PRKN: variants seen among roughly 807,000 people sequenced by gnomAD.
PRKN encodes the protein parkin RBR E3 ubiquitin protein ligase.
A neutral mutation model predicts 59.5 loss-of-function variants in PRKN; 56 were observed. That is an observed-to-expected ratio of 0.94 (90% CI 0.76 to 1.18). The LOEUF is 1.18. PRKN is among the 50% of genes most tolerant of loss of function. The pLI is 0.00. For synonymous variants in PRKN, 250 were observed against 222.1 expected, an observed-to-expected ratio of 1.13 and a Z score of -1.12; for missense variants, 657 against 596.4, an observed-to-expected ratio of 1.10 and a Z score of -1.06.
intron 7 of PRKN, among the ~76,000 whole-genome samples, chr6:161,751,271 C>T (rs1583103578): frequency 6.6e-6 from 1 of 152,040 alleles, no homozygotes; most frequent in Admixed American, 6.5e-5. Context: ...TGTAGAACAT[C>T]GTCTGTTTGG....
At chr6:162,375,028 TTTA>T (rs901615597) in intron 2 of PRKN, among the ~76,000 whole-genome samples, 68 of 152,252 alleles carry the variant, frequency 4.5e-4, no homozygotes, top group South Asian at 1.2e-3. Context: ...CTAGTGTGAT[TTTA>T]TTATTAGGAA....
rs1790294795 is a variant in PRKN at position 161,463,114 on chromosome 6, G to A, written c.1084-76237C>T. Among the ~76,000 whole-genome samples, 1 of 152,218 alleles carries A rather than the reference G, an allele frequency of 6.6e-6. No homozygotes were observed. Among genetic ancestry groups the A allele is most frequent in the Non-Finnish European group, 1.5e-5 (1 of 68,044 alleles). ...TGAGCACCAAGGGGTTCCAAGGTCA[G>A]TGTGAGCCCTTCTGGCTGGAGTGGT... On this transcript the variant is annotated intron_variant, in intron 9 of 11. Transcript: ENST00000366898. The surrounding 1 kb of genome is among the most constrained non-coding windows in gnomAD (Gnocchi z 4.8).
At chr6:162,327,760 C>T (rs546090943) in intron 2 of PRKN, among the ~76,000 whole-genome samples, 4 of 152,166 alleles carry the variant, frequency 2.6e-5, no homozygotes, top group Admixed American at 6.5e-5. Context: ...AAGTTTTTTT[C>T]GGAGATCAGA....
Position 162,640,734 on chromosome 6 carries a change from A to G in PRKN, c.7+86928T>C, listed in dbSNP as rs572081480. 5.3e-5 allele frequency among the ~76,000 whole-genome samples: 8 copies of G among 152,310 alleles called. No individual in the cohort carries two copies. In the East Asian group the frequency reaches 7.7e-4, roughly 15 times the overall value. On this transcript the variant is annotated intron_variant, in intron 1 of 11. Coordinates refer to ENST00000366898, the MANE Select transcript of PRKN (RefSeq NM_004562.3). Reference sequence around the variant, plus strand: ...CACTGATACAGTCTGCAAGTTGTCTAAGCAATACCTGTTTGTAAGGCTGTG... The same window carrying G: ...CACTGATACAGTCTGCAAGTTGTCTGAGCAATACCTGTTTGTAAGGCTGTG...
chr6:162,461,691 C>T (rs959571796), intron 1 of PRKN, among the ~76,000 whole-genome samples: 36 of 150,694 alleles, frequency 2.4e-4, no homozygotes, highest in Non-Finnish European at 5.0e-4. Context: ...TGTGGTGGTG[C>T]GTTCCTGTAA....
rs1001684581 is a variant in PRKN at position 162,562,758 on chromosome 6, C to A, written c.8-119285G>T. On this transcript the variant is annotated intron_variant, in intron 1 of 11. Transcript: ENST00000366898. ...CTCTGGACCTACCCAGAGAGCCTGG[C>A]AGACCTCACTGCCCTGAAGGGGAAA... Among the ~76,000 whole-genome samples, 4 of 152,196 alleles carry A rather than the reference C, an allele frequency of 2.6e-5. No homozygotes were observed. In the South Asian group the frequency reaches 6.2e-4, roughly 24 times the overall value.
chr6:162,371,720 A>T (rs961925343), intron 2 of PRKN, among the ~76,000 whole-genome samples: 1 of 152,134 alleles, frequency 6.6e-6, no homozygotes, highest in African/African-American at 2.4e-5. Flanking sequence ...TAAGAATCCT[A>T]ACCTTTATTT....
intron 4 of PRKN, among the ~76,000 whole-genome samples, chr6:162,104,146 T>C (rs1486602742): frequency 2.0e-5 from 3 of 152,190 alleles, no homozygotes; most frequent in Non-Finnish European, 4.4e-5. Flanking sequence ...GTTTGTCTTG[T>C]GCCCTGCACT....
At chr6:162,113,512 G>A (rs2128303055) in intron 4 of PRKN, among the ~76,000 whole-genome samples, 1 of 150,812 alleles carries the variant, frequency 6.6e-6, no homozygotes, top group South Asian at 2.1e-4. Flanking sequence ...TGTGGTCAAT[G>A]AAGGGAGAGG....
intron 3 of PRKN, among the ~76,000 whole-genome samples, chr6:162,246,942 A>G (rs1202247024): frequency 6.6e-6 from 1 of 152,188 alleles, no homozygotes; most frequent in East Asian, 1.9e-4. Flanking sequence ...GGTAATTTGT[A>G]TTAAGGCTGA....
In PRKN at chr6:161,582,820, C is replaced by G. The variant is rs1371255508; in HGVS notation, c.872-13404G>C. ...TGAGTTCAGAGCTGTCGTCTTATGA[C>G]TCAGATCCATGTTCACCCAGGTTGG... On this transcript the variant is annotated intron_variant, in intron 7 of 11. Coordinates refer to ENST00000366898, the MANE Select transcript of PRKN (RefSeq NM_004562.3). This position sits in a 1 kb window ranked among gnomAD's most constrained non-coding sequence, Gnocchi z 4.4. Among the ~76,000 whole-genome samples the G allele has an allele frequency of 1.3e-5, 2 of 152,080 alleles. No individual in the cohort carries two copies. Among genetic ancestry groups the G allele is most frequent in the Non-Finnish European group, 2.9e-5 (2 of 68,020 alleles).
chr6:161,843,043 G>A (rs968070351), intron 6 of PRKN, among the ~76,000 whole-genome samples: 1 of 152,194 alleles, frequency 6.6e-6, no homozygotes, highest in African/African-American at 2.4e-5. Context: ...AGAGAAGTCT[G>A]AGGGACAGCC....
At chr6:162,560,049 T>C (rs1583804748) in intron 1 of PRKN, among the ~76,000 whole-genome samples, 1 of 152,222 alleles carries the variant, frequency 6.6e-6, no homozygotes, top group African/African-American at 2.4e-5. Context: ...TCTATTTATA[T>C]GTATTTCATT....
At chr6:161,735,587 G>A (rs991397357) in intron 7 of PRKN, among the ~76,000 whole-genome samples, 11 of 152,114 alleles carry the variant, frequency 7.2e-5, no homozygotes, top group African/African-American at 2.4e-4. Flanking sequence ...AACACCTAAC[G>A]CCTGTGTTGC....
chr6:161,744,342 G>A (rs569177583), intron 7 of PRKN, among the ~76,000 whole-genome samples: 6 of 151,996 alleles, frequency 3.9e-5, no homozygotes, highest in African/African-American at 7.2e-5. Flanking sequence ...GAATCACTTC[G>A]CTTTCAAAAA....
At chr6:162,420,988 T>C (rs1327109670) in intron 2 of PRKN, among the ~76,000 whole-genome samples, 10 of 152,194 alleles carry the variant, frequency 6.6e-5, no homozygotes, top group Admixed American at 3.9e-4. Context: ...TCAAATGCCT[T>C]ACGTCTGCCC....
intron 1 of PRKN, among the ~76,000 whole-genome samples, chr6:162,494,159 G>T (rs1354635202): frequency 1.3e-5 from 2 of 152,180 alleles, no homozygotes; most frequent in Non-Finnish European, 2.9e-5. Context: ...ATAAATAAGA[G>T]AGGTTCTTAG....
At chr6:161,522,476 G>A (rs1778866546) in intron 9 of PRKN, among the ~76,000 whole-genome samples, 1 of 152,178 alleles carries the variant, frequency 6.6e-6, no homozygotes, top group African/African-American at 2.4e-5. Context: ...CTTTCCTGGC[G>A]GGACATTTGG....
intron 1 of PRKN, among the ~76,000 whole-genome samples, chr6:162,563,456 T>C (rs768452776): frequency 9.2e-5 from 14 of 152,218 alleles, no homozygotes; most frequent in Admixed American, 2.0e-4. Context: ...ACAGCATTAC[T>C]GGGCTTGGGG....
Sources: gnomAD v4.1 joint callset for allele counts (sites outside exome capture counted in the v4.1 genomes callset) on GRCh38, gnomAD v4.1.1 for gene constraint, Gnocchi (gnomAD v3.1) non-coding constraint, MANE v1.5 for transcripts, NCBI Gene and HGNC (gene_info 2026-07-23, HGNC 2026-07-21) for gene names.